CDC73: variants seen among roughly 807,000 people sequenced by gnomAD.
CDC73 encodes the protein cell division cycle 73, also known as parafibromin.
Under a neutral mutation model 83.7 loss-of-function variants are expected in CDC73, and 21 were observed. The observed-to-expected ratio is 0.25, with a 90% CI of 0.18 to 0.36. The LOEUF (loss-of-function observed/expected upper bound fraction) is 0.36, where lower values mean the gene tolerates loss of function less well. CDC73 is among the 10% of genes least tolerant of loss of function. The pLI, the probability that CDC73 is intolerant of heterozygous loss-of-function variation, is 1.00. For missense variants in CDC73, 342 were observed against 653.3 expected (o/e 0.52, Z 5.19); for synonymous variants, 224 against 212.9 (o/e 1.05, Z -0.45).
chr1:193,203,395 G>A (rs1405388605), intron 10 of CDC73, among the ~76,000 whole-genome samples: 2 of 151,850 alleles, frequency 1.3e-5, no homozygotes, highest in African/African-American at 4.8e-5. Context: ...CCAACAGGAG[G>A]GTATATATCA....
At position 193,252,280 on chromosome 1, in the gene CDC73, C is replaced by A; in HGVS notation, c.*1568C>A. The A allele has an allele frequency of 4.3e-6, 1 of 230,536 alleles. No homozygotes were observed. Among genetic ancestry groups the A allele is most frequent in the Non-Finnish European group, 8.6e-6 (1 of 116,344 alleles). The allele number at this position is 230,536 out of a possible 1,614,324, so 14.3% of individuals were successfully genotyped here. A position where few individuals can be genotyped will look rare whatever the true frequency, so the allele number is the denominator to read the frequency against. ...CTTTCCTTAAAGATAAAAGAAAACT[C>A]AAATTTGTTTACATTAGGCTTTCTT... On this transcript the variant is annotated 3_prime_UTR_variant, in exon 17 of 17. Transcript: ENST00000367435.
At chr1:193,231,853 T>C (rs1454817437) in intron 13 of CDC73, among the ~76,000 whole-genome samples, 2 of 152,180 alleles carry the variant, frequency 1.3e-5, no homozygotes, top group Non-Finnish European at 2.9e-5. Context: ...TTTCACCCTT[T>C]CATCTCTTTT....
At chr1:193,219,694 A>G (rs901181219) in intron 13 of CDC73, among the ~76,000 whole-genome samples, 5 of 152,184 alleles carry the variant, frequency 3.3e-5, no homozygotes, top group African/African-American at 1.2e-4. Context: ...TACATGTTGG[A>G]CACAAAGAGG....
intron 15 of CDC73, among the ~76,000 whole-genome samples, chr1:193,242,799 G>A (rs1572221782): frequency 2.0e-5 from 3 of 152,094 alleles, no homozygotes; most frequent in Admixed American, 2.0e-4. Context: ...CTTTTGCTTT[G>A]TTGCTTTCCC....
intron 9 of CDC73, among the ~76,000 whole-genome samples, chr1:193,151,227 T>A (rs962474112): frequency 2.0e-5 from 3 of 152,258 alleles, no homozygotes; most frequent in Non-Finnish European, 1.5e-5. Context: ...ATCTGAAATC[T>A]TCATTTAAGT....
intron 13 of CDC73, among the ~76,000 whole-genome samples, chr1:193,221,232 T>G (rs1208052846): frequency 6.6e-6 from 1 of 152,168 alleles, no homozygotes; most frequent in East Asian, 1.9e-4. Context: ...ATTTAAAGTT[T>G]GATTTTATGT....
intron 10 of CDC73, among the ~76,000 whole-genome samples, chr1:193,157,916 C>T (rs1676235800): frequency 6.6e-6 from 1 of 151,592 alleles, no homozygotes; most frequent in South Asian, 2.1e-4. Context: ...TATAATAGAA[C>T]TTACATCATA....
At chr1:193,164,678 ACCTTTCCCCTTGGGCACTGCTTAGATAGG>A (rs1332065629) in intron 10 of CDC73, among the ~76,000 whole-genome samples, 7 of 151,940 alleles carry the variant, frequency 4.6e-5, no homozygotes, top group Admixed American at 1.3e-4. Context: ...AGTCCAGGGT[ACCTTTCCCCTTGGGCACTGCTTAGATAGG>A]TTTTGATTTG....
At chr1:193,184,414 CA>C (rs1676770905) in intron 10 of CDC73, among the ~76,000 whole-genome samples, 1 of 151,814 alleles carries the variant, frequency 6.6e-6, no homozygotes, top group South Asian at 2.1e-4. Context: ...CAGTAGTATG[CA>C]AAATAGTTCT....
At chr1:193,241,186 G>C (rs559917231) in intron 15 of CDC73, among the ~76,000 whole-genome samples, 1 of 152,090 alleles carries the variant, frequency 6.6e-6, no homozygotes, top group African/African-American at 2.4e-5. Context: ...ACTTTTCCCC[G>C]AAGATGTACC....
In CDC73 at chr1:193,252,544, T is replaced by A. The variant is rs545058088; in HGVS notation, c.*1832T>A. 1 of 230,732 alleles carries A rather than the reference T, an allele frequency of 4.3e-6. No homozygotes were observed. Among genetic ancestry groups the A allele is most frequent in the South Asian group, 1.8e-4 (1 of 5,514 alleles). 14.3% of individuals were successfully genotyped at this position (230,732 alleles called of 1,614,324 possible). Reference sequence around the variant, plus strand: ...CTACTTTGAATGAGGTTTATTTTTCTATTTTGAATTTGCCTTATGTATATT... The same window carrying A: ...CTACTTTGAATGAGGTTTATTTTTCAATTTTGAATTTGCCTTATGTATATT... On this transcript the variant is annotated 3_prime_UTR_variant, in exon 17 of 17. Coordinates refer to ENST00000367435, the MANE Select transcript of CDC73 (RefSeq NM_024529.5).
chr1:193,233,223 C>A, intron 14 of CDC73, 69 bp downstream of exon 14: 1 of 1,382,994 alleles, frequency 7.2e-7, no homozygotes, highest in South Asian at 1.2e-5. Context: ...TTGTTATTGC[C>A]GTTGATGACG....
intron 10 of CDC73, among the ~76,000 whole-genome samples, chr1:193,170,913 A>G (rs1186155909): frequency 6.6e-6 from 1 of 152,168 alleles, no homozygotes; most frequent in Non-Finnish European, 1.5e-5. Context: ...GCACAGCCAC[A>G]TTTTGTGGGA....
chr1:193,206,958 A>G (rs531489109), intron 11 of CDC73, among the ~76,000 whole-genome samples: 3 of 152,340 alleles, frequency 2.0e-5, no homozygotes, highest in African/African-American at 7.2e-5. Context: ...CAAGAGGCAC[A>G]TGTTTTCCAG....
intron 13 of CDC73, 80 bp from the exon 14 acceptor site, chr1:193,232,913 A>C (rs1286673876): frequency 3.0e-6 from 4 of 1,315,630 alleles, no homozygotes; most frequent in Non-Finnish European, 4.3e-6. Context: ...AAAAAAAAAA[A>C]ATATTTCAAA....
At chr1:193,182,683 T>C (rs1000589387) in intron 10 of CDC73, among the ~76,000 whole-genome samples, 1 of 152,162 alleles carries the variant, frequency 6.6e-6, no homozygotes, top group Non-Finnish European at 1.5e-5. Flanking sequence ...TGATGGCATA[T>C]ATTAAGAACT....
At chr1:193,189,016 C>T (rs1224992766) in intron 10 of CDC73, among the ~76,000 whole-genome samples, 4 of 150,934 alleles carry the variant, frequency 2.7e-5, no homozygotes, top group East Asian at 1.9e-4. Flanking sequence ...TACAGTGGCA[C>T]GATCTTGTCT....
At chr1:193,154,749 G>A (rs921842277) in intron 10 of CDC73, among the ~76,000 whole-genome samples, 44 of 152,240 alleles carry the variant, frequency 2.9e-4, no homozygotes, top group African/African-American at 9.6e-4. Flanking sequence ...TTTTTTAGTT[G>A]TGTCTCAGAC....
At chr1:193,172,714 T>C (rs533140042) in intron 10 of CDC73, among the ~76,000 whole-genome samples, 2 of 152,300 alleles carry the variant, frequency 1.3e-5, no homozygotes, top group African/African-American at 4.8e-5. Flanking sequence ...CTGCATCCTT[T>C]TTCCCTCTTC....
Sources: gnomAD v4.1 joint callset for allele counts (sites outside exome capture counted in the v4.1 genomes callset) on GRCh38, gnomAD v4.1.1 for gene constraint, MANE v1.5 for transcripts, NCBI Gene and HGNC (gene_info 2026-07-23, HGNC 2026-07-21) for gene names.